Variants in RBM20 observed in about 807,000 individuals in gnomAD.
The protein encoded by RBM20 is RNA-binding protein 20.
Under a neutral mutation model 110.1 loss-of-function variants are expected in RBM20, and 51 were observed. The ratio of observed to expected loss-of-function variants is 0.46; its 90% CI spans 0.37 to 0.59. The LOEUF (loss-of-function observed/expected upper bound fraction) is 0.59. Ranked by LOEUF, RBM20 falls within the 20% of genes least tolerant of loss-of-function variation. The probability of loss-of-function intolerance (pLI) is 0.00; values close to 1 mark genes in which losing one functional copy is unlikely to be tolerated. For missense variants in RBM20, 1,512 were observed against 1,574.9 expected (o/e 0.96, Z 0.68); for synonymous variants, 589 against 618.2 (o/e 0.95, Z 0.70).
chr10:110,714,151 G>C (rs1253731438), intron 1 of RBM20, among the ~76,000 whole-genome samples: 1 of 152,152 alleles, frequency 6.6e-6, no homozygotes, highest in African/African-American at 2.4e-5. Context: ...AGACACTTGA[G>C]CCTTGGCATA....
intron 7 of RBM20, among the ~76,000 whole-genome samples, chr10:110,806,344 G>A (rs1844694978): frequency 6.6e-6 from 1 of 152,200 alleles, no homozygotes; most frequent in East Asian, 1.9e-4. Context: ...GGTTCCACAG[G>A]CTGCATAGGA....
chr10:110,704,354 A>G (rs1862805450), intron 1 of RBM20, among the ~76,000 whole-genome samples: 1 of 152,222 alleles, frequency 6.6e-6, no homozygotes, highest in South Asian at 2.1e-4. Context: ...TGCTATGAAC[A>G]TTTGTGTACA....
chr10:110,810,485 T>C lies in RBM20; in HGVS notation c.1880+23T>C, dbSNP rs11195338. ...CAGGTGAGGCCCCAAGCCCCAAGTC[T>C]CCAGGCAGGTTCTGGGCAGTGGGAA... On this transcript the variant is annotated intron_variant, in intron 8 of 13. Transcript: ENST00000369519. 0.38 allele frequency: 577,129 copies of C among 1,530,618 alleles called. 112,696 individuals are homozygous for C. The highest frequency in any genetic ancestry group is 0.57 in the East Asian group (23,386 of 40,778). The allele number at this position is 1,530,618 out of a possible 1,614,324, so 94.8% of individuals were successfully genotyped here.
chr10:110,681,089 C>T lies in RBM20; in HGVS notation c.191+36444C>T, dbSNP rs192232274. On this transcript the variant is annotated intron_variant, in intron 1 of 13. Transcript: ENST00000369519. ...AGGGGCACCTTCTTCTCGCACATTC[C>T]TCACTGACCATGCAGGGACAGCCTT... 8.5e-5 allele frequency among the ~76,000 whole-genome samples: 13 copies of T among 152,324 alleles called. No individual in the cohort carries two copies. In the East Asian group the frequency reaches 2.5e-3, roughly 29 times the overall value.
At chr10:110,826,140 C>T (rs370795671) in intron 12 of RBM20, among the ~76,000 whole-genome samples, 3 of 152,314 alleles carry the variant, frequency 2.0e-5, no homozygotes, top group African/African-American at 7.2e-5. Flanking sequence ...TTCCCTGCGA[C>T]CTTGAGTGAG....
chr10:110,725,206 A>G (rs746207583), intron 1 of RBM20, among the ~76,000 whole-genome samples: 2 of 152,230 alleles, frequency 1.3e-5, no homozygotes, highest in Non-Finnish European at 2.9e-5. Flanking sequence ...ACATTTTGGA[A>G]TCAGAGATCC....
At chr10:110,799,549 C>T (rs918977242) in intron 6 of RBM20, among the ~76,000 whole-genome samples, 4 of 152,168 alleles carry the variant, frequency 2.6e-5, no homozygotes, top group African/African-American at 9.7e-5. Context: ...TGTGTACACC[C>T]ATATAATTAA....
At chr10:110,828,350 C>A (rs1299460560) in intron 12 of RBM20, among the ~76,000 whole-genome samples, 2 of 152,170 alleles carry the variant, frequency 1.3e-5, no homozygotes, top group Non-Finnish European at 2.9e-5. Context: ...TCTGCAGCAA[C>A]CCCCATTTAT....
At chr10:110,800,534 G>T (rs185035891) in intron 7 of RBM20, among the ~76,000 whole-genome samples, 1 of 152,052 alleles carries the variant, frequency 6.6e-6, no homozygotes, top group African/African-American at 2.4e-5. Context: ...ATTATATATT[G>T]TATGGTTTAA....
At chr10:110,774,635 C>A (rs570087273) in intron 1 of RBM20, among the ~76,000 whole-genome samples, 22 of 152,162 alleles carry the variant, frequency 1.4e-4, no homozygotes, top group Middle Eastern at 3.4e-3. Context: ...AGGACGCCAA[C>A]TTCATTGGCT....
At chr10:110,660,230 C>CA (rs1862082486) in intron 1 of RBM20, among the ~76,000 whole-genome samples, 1 of 152,070 alleles carries the variant, frequency 6.6e-6, no homozygotes, top group African/African-American at 2.4e-5. Context: ...GTAATAATGA[C>CA]AGTCGACTTG....
intron 1 of RBM20, among the ~76,000 whole-genome samples, chr10:110,771,446 T>G (rs759357752): frequency 4.6e-5 from 7 of 152,146 alleles, no homozygotes; most frequent in Non-Finnish European, 7.4e-5. Flanking sequence ...ATAGAAGTGT[T>G]TATTGGTTCC....
chr10:110,826,926 G>T (rs758757019), intron 12 of RBM20, among the ~76,000 whole-genome samples: 1 of 152,104 alleles, frequency 6.6e-6, no homozygotes, highest in Non-Finnish European at 1.5e-5. Flanking sequence ...GGAGTATTGC[G>T]TTGCATATAT....
intron 13 of RBM20, among the ~76,000 whole-genome samples, chr10:110,833,191 C>G (rs1228925932): frequency 1.3e-5 from 2 of 151,804 alleles, no homozygotes; most frequent in African/African-American, 4.8e-5. Context: ...GAATTCGAGA[C>G]CAGCCTGACC....
At chr10:110,649,919 G>C (rs1244503066) in intron 1 of RBM20, among the ~76,000 whole-genome samples, 1 of 152,216 alleles carries the variant, frequency 6.6e-6, no homozygotes, top group Non-Finnish European at 1.5e-5. Context: ...TAGACTGGCA[G>C]ATTCTGATCC....
chr10:110,696,882 G>T (rs1862672110), intron 1 of RBM20, among the ~76,000 whole-genome samples: 1 of 152,088 alleles, frequency 6.6e-6, no homozygotes, highest in South Asian at 2.1e-4. Context: ...TCTCAAATGT[G>T]TGCTCATCCC....
chr10:110,702,136 C>T (rs951537368), intron 1 of RBM20, among the ~76,000 whole-genome samples: 1 of 152,168 alleles, frequency 6.6e-6, no homozygotes, highest in African/African-American at 2.4e-5. Context: ...GTTTTCCAGC[C>T]TCTGCTGGGC....
rs1212807863 is a variant in RBM20 at position 110,792,141 on chromosome 10, G to GTCTGTCTA, written c.1528-5364_1528-5363insGTCTATCT. Among the ~76,000 whole-genome samples the GTCTGTCTA allele has an allele frequency of 7.2e-4, 106 of 147,740 alleles. 1 individual carries two copies. Among genetic ancestry groups the GTCTGTCTA allele is most frequent in the Middle Eastern group, 3.4e-3 (1 of 292 alleles). Reference sequence around the variant, plus strand: ...TCATTTTCTCTATCTTCCTCTATCTGTCTATCTATCTATCTATCTATCTAT... The same window carrying GTCTGTCTA: ...TCATTTTCTCTATCTTCCTCTATCTGTCTGTCTATCTATCTATCTATCTATCTATCTAT... On this transcript the variant is annotated intron_variant, in intron 5 of 13. Coordinates refer to ENST00000369519, the MANE Select transcript of RBM20 (RefSeq NM_001134363.3).
chr10:110,686,638 T>TA (rs1242016750), intron 1 of RBM20, among the ~76,000 whole-genome samples: 1 of 152,020 alleles, frequency 6.6e-6, no homozygotes, highest in Non-Finnish European at 1.5e-5. Context: ...AAAAAAATAA[T>TA]AAAATATAAA....
Sources: allele counts gnomAD v4.1 joint callset (sites outside exome capture counted in the v4.1 genomes callset), GRCh38; gene constraint gnomAD v4.1.1; transcripts MANE v1.5; gene names NCBI Gene and HGNC (gene_info 2026-07-23, HGNC 2026-07-21).